The following MTMR12 variants were observed in gnomAD, a reference collection of about 807,000 sequenced individuals.
MTMR12 encodes myotubularin related protein 12.
Under a neutral mutation model 96.7 loss-of-function variants are expected in MTMR12, and 33 were observed. The ratio of observed to expected loss-of-function variants is 0.34; its 90% CI spans 0.26 to 0.46. The LOEUF (loss-of-function observed/expected upper bound fraction) is 0.46. Among genes scored for constraint, MTMR12 ranks in the 20% least tolerant of loss-of-function variants. The pLI is 1.00. For synonymous variants in MTMR12, 298 were observed against 327.2 expected, an observed-to-expected ratio of 0.91 and a Z score of 0.96; for missense variants, 721 against 896.1, an observed-to-expected ratio of 0.80 and a Z score of 2.49.
chr5:32,259,398 T>C (rs4562053), intron 7 of MTMR12, among the ~76,000 whole-genome samples: 51,285 of 152,030 alleles, frequency 0.34, 8,996 homozygotes, highest in East Asian at 0.49. Context: ...GGTACCAGAA[T>C]AGCCAGCTCT....
intron 4 of MTMR12, 43 bp from the exon 5 acceptor site, chr5:32,270,990 C>G (rs1749810879): frequency 6.3e-7 from 1 of 1,576,044 alleles, no homozygotes; most frequent in Admixed American, 1.8e-5. Context: ...TTATGTTACA[C>G]AGCAATAAGT....
Position 32,233,728 on chromosome 5 carries a change from G to A in MTMR12, c.1674+45C>T, listed in dbSNP as rs781198668. ...AAGTACCTTTTATCATTACATGCAC[G>A]GGGTCTGGGCAGCTGAAGGGGGTTT... is the stretch of plus-strand genomic sequence containing the variant. On this transcript the variant is annotated intron_variant, in intron 15 of 15. Transcript: ENST00000382142. The surrounding 1 kb of genome is among the most constrained non-coding windows in gnomAD (Gnocchi z 5.0). 1.1e-5 allele frequency: 17 copies of A among 1,612,242 alleles called. No individual in the cohort carries two copies. The highest frequency in any genetic ancestry group is 8.0e-5 in the African/African-American group (6 of 74,734).
intron 1 of MTMR12, among the ~76,000 whole-genome samples, chr5:32,301,531 G>A (rs1385963062): frequency 1.3e-5 from 2 of 152,200 alleles, no homozygotes; most frequent in Non-Finnish European, 2.9e-5. Context: ...TATGTTTGGA[G>A]GAACATAGAT....
rs563837916 is a variant in MTMR12, at chr5:32,252,551, C to A, written c.789+3142G>T. Among the ~76,000 whole-genome samples, 9 of 152,280 alleles carry A rather than the reference C, an allele frequency of 5.9e-5. No homozygotes were observed. In the South Asian group the frequency reaches 1.5e-3, roughly 25 times the overall value. ...CATGCAATCTTGCAGATCAGTGGTT[C>A]TCAAACTTTTTGATCTTAGACCCCT... On this transcript the variant is annotated intron_variant, in intron 8 of 15. Coordinates refer to ENST00000382142, the MANE Select transcript of MTMR12 (RefSeq NM_001040446.3).
chr5:32,292,724 C>A (rs1437513738), intron 1 of MTMR12, among the ~76,000 whole-genome samples: 2 of 151,096 alleles, frequency 1.3e-5, no homozygotes, highest in Admixed American at 6.6e-5. Context: ...TGGTCCAGAC[C>A]CCTCAGGAAT....
intron 1 of MTMR12, among the ~76,000 whole-genome samples, chr5:32,278,627 T>C (rs1435536072): frequency 2.0e-5 from 3 of 152,110 alleles, no homozygotes; most frequent in Non-Finnish European, 4.4e-5. Flanking sequence ...ATCTAAACAC[T>C]CTCTGGCACC....
At chr5:32,240,519 A>C (rs775556060) in intron 12 of MTMR12, among the ~76,000 whole-genome samples, 3 of 152,194 alleles carry the variant, frequency 2.0e-5, no homozygotes, top group Non-Finnish European at 4.4e-5. Context: ...TTCTCCCTCC[A>C]GGAAACAAGC....
chr5:32,309,762 TA>T (rs1254804003), intron 1 of MTMR12: 1 of 152,034 alleles, frequency 6.6e-6, no homozygotes, highest in Non-Finnish European at 1.5e-5. Flanking sequence ...AAGCGTTTCA[TA>T]TTTTTAACAA....
intron 3 of MTMR12, 133 bp downstream of exon 3, chr5:32,273,847 T>C (rs1264613974): frequency 2.3e-6 from 3 of 1,311,190 alleles, no homozygotes; most frequent in Middle Eastern, 2.2e-4. Flanking sequence ...ATGCAGTTCA[T>C]ACATTCAGGA....
intron 9 of MTMR12, 47 bp downstream of exon 9, chr5:32,248,725 T>C: frequency 6.8e-7 from 1 of 1,478,856 alleles, no homozygotes; most frequent in Middle Eastern, 1.7e-4. Context: ...CCCTGCTTCT[T>C]GGAAAACAAG....
intron 1 of MTMR12, among the ~76,000 whole-genome samples, chr5:32,303,180 A>G (rs773182157): frequency 1.2e-4 from 19 of 152,242 alleles, no homozygotes; most frequent in Non-Finnish European, 2.2e-4. Flanking sequence ...GCATAATGGC[A>G]TTTGATATTA....
intron 6 of MTMR12, among the ~76,000 whole-genome samples, chr5:32,267,377 GAAA>G (rs751223074): frequency 2.8e-4 from 25 of 89,930 alleles, no homozygotes; most frequent in African/African-American, 1.1e-3. Flanking sequence ...CTCCATCTCA[GAAA>G]AAAAAAAAAA....
At chr5:32,235,214 G>A (rs1748168738) in intron 13 of MTMR12, 85 bp from the exon 14 acceptor site, 12 of 1,310,732 alleles carry the variant, frequency 9.2e-6, no homozygotes, top group Middle Eastern at 2.3e-4. Flanking sequence ...CTCAACAGCT[G>A]TGGAATAAGC....
intron 7 of MTMR12, among the ~76,000 whole-genome samples, chr5:32,262,271 C>T (rs1223993072): frequency 2.6e-5 from 4 of 151,792 alleles, no homozygotes; most frequent in Non-Finnish European, 5.9e-5. Flanking sequence ...TAAAAACATA[C>T]ATCTACACAA....
At position 32,279,076 on chromosome 5, in the gene MTMR12, C is replaced by CAAAAAAAAAA. The variant is rs35999870; in HGVS notation, c.82-2344_82-2335dup. Among the ~76,000 whole-genome samples, 50 of 50,532 alleles carry CAAAAAAAAAA rather than the reference C, an allele frequency of 9.9e-4. 10 individuals are homozygous for CAAAAAAAAAA. Among genetic ancestry groups the CAAAAAAAAAA allele is most frequent in the Non-Finnish European group, 1.4e-3 (38 of 26,478 alleles). The allele number at this position is 50,532 out of a possible 152,430, so 33.2% of individuals were successfully genotyped here. A position where few individuals can be genotyped will look rare whatever the true frequency, so the allele number is the denominator to read the frequency against. ...GGGCAACAAGAGCGAAACTCTGTCT[C>CAAAAAAAAAA]AAAAAAAAAAAAAAAAAAAAAAAAA... On this transcript the variant is annotated intron_variant, in intron 1 of 15. Transcript: ENST00000382142.
chr5:32,296,966 G>A (rs1035167432), intron 1 of MTMR12, among the ~76,000 whole-genome samples: 1 of 151,724 alleles, frequency 6.6e-6, no homozygotes, highest in African/African-American at 2.4e-5. Context: ...AGCTGGGCGT[G>A]ATGGCGGGCG....
At chr5:32,255,431 C>T (rs1051136773) in intron 8 of MTMR12, among the ~76,000 whole-genome samples, 1 of 152,224 alleles carries the variant, frequency 6.6e-6, no homozygotes, top group African/African-American at 2.4e-5. Context: ...ACCGGGCTTG[C>T]TTTCAACACC....
chr5:32,265,838 C>A (rs1749568691), intron 6 of MTMR12, among the ~76,000 whole-genome samples: 1 of 152,204 alleles, frequency 6.6e-6, no homozygotes, highest in African/African-American at 2.4e-5. Context: ...AGACTTATTG[C>A]TGCTATTTTT....
intron 1 of MTMR12, among the ~76,000 whole-genome samples, chr5:32,286,767 AAG>A (rs1312732637): frequency 2.6e-5 from 4 of 152,198 alleles, no homozygotes; most frequent in Non-Finnish European, 5.9e-5. Context: ...TTTACCTGAC[AAG>A]GGTTTATCTG....
Sources: gnomAD v4.1 joint callset for allele counts (sites outside exome capture counted in the v4.1 genomes callset) on GRCh38, gnomAD v4.1.1 for gene constraint, Gnocchi (gnomAD v3.1) non-coding constraint, MANE v1.5 for transcripts, NCBI Gene and HGNC (gene_info 2026-07-23, HGNC 2026-07-21) for gene names.